RBFOX1: variants seen among roughly 807,000 people sequenced by gnomAD.
The protein encoded by RBFOX1 is RNA binding fox-1 homolog 1.
Under a neutral mutation model 57.7 loss-of-function variants are expected in RBFOX1, and 8 were observed. That is an observed-to-expected ratio of 0.14 (90% CI 0.08 to 0.25). RBFOX1 has a LOEUF of 0.25. Ranked by LOEUF, RBFOX1 falls within the 10% of genes least tolerant of loss-of-function variation. The pLI, the probability that RBFOX1 is intolerant of heterozygous loss-of-function variation, is 1.00. For missense variants in RBFOX1, 611 were observed against 548.5 expected, an observed-to-expected ratio of 1.11 and a Z score of -1.14; for synonymous variants, 326 against 222.4, an observed-to-expected ratio of 1.47 and a Z score of -4.15.
At chr16:5,617,924 G>A (rs572267175) in intron 3 of RBFOX1, among the ~76,000 whole-genome samples, 3 of 152,296 alleles carry the variant, frequency 2.0e-5, no homozygotes, top group East Asian at 1.9e-4. Context: ...TACTAGGAGG[G>A]TATTGTTCAA....
chr16:5,955,674 A>G (rs1265375495), intron 4 of RBFOX1, among the ~76,000 whole-genome samples: 1 of 152,178 alleles, frequency 6.6e-6, no homozygotes, highest in Non-Finnish European at 1.5e-5. Flanking sequence ...AGACTTCACC[A>G]CATTGAGATT....
intron 4 of RBFOX1, among the ~76,000 whole-genome samples, chr16:7,459,883 G>C (rs1320880846): frequency 6.6e-6 from 1 of 151,684 alleles, no homozygotes; most frequent in South Asian, 2.1e-4. Flanking sequence ...TAAAAGTTTT[G>C]TATTTTATTT....
chr16:6,111,207 C>G (rs1040475907), intron 1 of RBFOX1, among the ~76,000 whole-genome samples: 2 of 152,170 alleles, frequency 1.3e-5, no homozygotes, highest in African/African-American at 4.8e-5. Context: ...CATACACTGA[C>G]TTGCTGGAAC....
chr16:6,518,738 T>C (rs184282695), intron 2 of RBFOX1, among the ~76,000 whole-genome samples: 1 of 149,342 alleles, frequency 6.7e-6, no homozygotes, highest in African/African-American at 2.5e-5. Flanking sequence ...TCCATCCATC[T>C]ATCTCTGTCT....
At chr16:6,807,386 G>C (rs534180491) in intron 3 of RBFOX1, among the ~76,000 whole-genome samples, 43 of 152,232 alleles carry the variant, frequency 2.8e-4, no homozygotes, top group African/African-American at 1.0e-3. Flanking sequence ...GTTGATTTCT[G>C]CATTTAGGGT....
intron 1 of RBFOX1, among the ~76,000 whole-genome samples, chr16:6,178,696 C>A (rs1245711053): frequency 6.6e-6 from 1 of 152,156 alleles, no homozygotes; most frequent in Admixed American, 6.6e-5. Context: ...ATCTAGTCTA[C>A]CTTCTCATCT....
chr16:7,167,898 G>GAGC lies in RBFOX1; in HGVS notation c.27+115800_27+115801insAGC, dbSNP rs1297453392. On this transcript the variant is annotated intron_variant, in intron 4 of 15. Transcript: ENST00000550418. ...AGTGTGCCAACCGCTCTTCTAGGGA[G>GAGC]GTGTTTAATTTATGTGCTTGTCTGG... 2.0e-5 allele frequency among the ~76,000 whole-genome samples: 3 copies of GAGC among 152,138 alleles called. No homozygotes were observed. In the East Asian group the frequency reaches 5.8e-4, roughly 29 times the overall value.
intron 4 of RBFOX1, among the ~76,000 whole-genome samples, chr16:7,053,299 C>G (rs918965646): frequency 6.6e-6 from 1 of 152,214 alleles, no homozygotes; most frequent in Non-Finnish European, 1.5e-5. Context: ...TCTCTACCCA[C>G]TTTCCTCCAA....
intron 3 of RBFOX1, among the ~76,000 whole-genome samples, chr16:6,801,185 C>G (rs1470110644): frequency 9.7e-6 from 1 of 102,912 alleles, no homozygotes; most frequent in Non-Finnish European, 1.9e-5. Flanking sequence ...TGGCAAGAAT[C>G]AAGATTGAAC....
chr16:6,078,136 C>T (rs1316432942), intron 1 of RBFOX1, among the ~76,000 whole-genome samples: 1 of 152,172 alleles, frequency 6.6e-6, no homozygotes, highest in Non-Finnish European at 1.5e-5. Context: ...TGTCCTTTCT[C>T]AGTCCCACCA....
chr16:5,312,617 A>G (rs940736760), intron 1 of RBFOX1, among the ~76,000 whole-genome samples: 5 of 152,210 alleles, frequency 3.3e-5, no homozygotes, highest in East Asian at 1.9e-4. Context: ...GCTTGGTGAC[A>G]TGTCTTAAAT....
At chr16:7,389,164 C>T (rs1406473696) in intron 4 of RBFOX1, among the ~76,000 whole-genome samples, 1 of 152,076 alleles carries the variant, frequency 6.6e-6, no homozygotes, top group East Asian at 1.9e-4. Context: ...CTCACTGTGT[C>T]ACCCAGGCTG....
intron 13 of RBFOX1, among the ~76,000 whole-genome samples, chr16:7,669,389 T>C (rs1340192381): frequency 6.6e-6 from 1 of 152,142 alleles, no homozygotes; most frequent in Non-Finnish European, 1.5e-5. Context: ...TATAATGAAC[T>C]GTTAAAAAGA....
chr16:6,089,846 T>G (rs1267461694), intron 1 of RBFOX1, among the ~76,000 whole-genome samples: 1 of 152,186 alleles, frequency 6.6e-6, no homozygotes, highest in Non-Finnish European at 1.5e-5. Flanking sequence ...TGTCATTGAA[T>G]CCTCTTAAGA....
chr16:7,085,939 C>T (rs933804607), intron 4 of RBFOX1, among the ~76,000 whole-genome samples: 1 of 152,106 alleles, frequency 6.6e-6, no homozygotes, highest in Non-Finnish European at 1.5e-5. Context: ...GATTCATGGG[C>T]TCTAAAATGT....
At chr16:6,999,055 G>C (rs528441192) in intron 3 of RBFOX1, among the ~76,000 whole-genome samples, 25 of 151,318 alleles carry the variant, frequency 1.7e-4, no homozygotes, top group Admixed American at 1.2e-3. Flanking sequence ...TATTAGTAGA[G>C]ACAGGGTTTC....
chr16:5,949,515 G>C (rs2059475172), intron 4 of RBFOX1, among the ~76,000 whole-genome samples: 2 of 124,130 alleles, frequency 1.6e-5, no homozygotes, highest in South Asian at 5.5e-4. Context: ...GGCAGTGCGA[G>C]AGTCCATCTC....
intron 3 of RBFOX1, among the ~76,000 whole-genome samples, chr16:5,786,836 G>T (rs1029278982): frequency 1.3e-5 from 2 of 152,162 alleles, no homozygotes; most frequent in African/African-American, 4.8e-5. Flanking sequence ...AGTGAAAGAG[G>T]TCTGAAAGGT....
At chr16:7,181,939 A>C (rs1051492722) in intron 4 of RBFOX1, among the ~76,000 whole-genome samples, 5 of 152,230 alleles carry the variant, frequency 3.3e-5, no homozygotes, top group African/African-American at 1.2e-4. Context: ...TCAGCCGTCG[A>C]AATACAGGAA....
Sources: gnomAD v4.1 joint callset for allele counts (sites outside exome capture counted in the v4.1 genomes callset) on GRCh38, gnomAD v4.1.1 for gene constraint, MANE v1.5 for transcripts, NCBI Gene and HGNC (gene_info 2026-07-23, HGNC 2026-07-21) for gene names.